ANK1: variants seen among roughly 807,000 people sequenced by gnomAD.
ANK1 encodes ankyrin 1.
In ANK1, 51 loss-of-function variants were observed where a neutral mutation model predicts 210.4. The ratio of observed to expected loss-of-function variants is 0.24; its 90% CI spans 0.19 to 0.31. The LOEUF (loss-of-function observed/expected upper bound fraction) is 0.31, where lower values mean the gene tolerates loss of function less well. Ranked by LOEUF, ANK1 falls within the 10% of genes least tolerant of loss-of-function variation. The pLI is 1.00. For missense variants in ANK1, 2,051 were observed against 2,504.4 expected (o/e 0.82, Z 3.86); for synonymous variants, 967 against 1,025.9 (o/e 0.94, Z 1.10).
intron 3 of ANK1, among the ~76,000 whole-genome samples, chr8:41,733,313 G>A (rs983472771): frequency 6.6e-6 from 1 of 152,182 alleles, no homozygotes; most frequent in Non-Finnish European, 1.5e-5. Flanking sequence ...GGCTGAACAA[G>A]GAAGACTTGC....
In ANK1 at chr8:41,737,827, G is replaced by C. The variant is rs573031294; in HGVS notation, c.130-3758C>G. On this transcript the variant is annotated intron_variant, in intron 2 of 42. Coordinates refer to ENST00000289734, the MANE Select transcript of ANK1 (RefSeq NM_000037.4). ...CCTGTAAAAAACACATGGGGACGGGGCTGAGGAAGCACTTGTCTCAGCCAC... is the reference window on the plus strand; with the variant it reads ...CCTGTAAAAAACACATGGGGACGGGCCTGAGGAAGCACTTGTCTCAGCCAC... Among the ~76,000 whole-genome samples the C allele has an allele frequency of 4.5e-4, 68 of 152,290 alleles. 1 individual carries two copies. Among genetic ancestry groups the C allele is most frequent in the Admixed American group, 9.2e-4 (14 of 15,294 alleles).
intron 1 of ANK1, among the ~76,000 whole-genome samples, chr8:41,864,010 C>G (rs531195790): frequency 1.3e-5 from 2 of 151,994 alleles, no homozygotes; most frequent in Non-Finnish European, 2.9e-5. Flanking sequence ...TTTGGGAGGC[C>G]GAGGCGGGTG....
intron 1 of ANK1, among the ~76,000 whole-genome samples, chr8:41,777,826 T>C (rs1048465791): frequency 1.3e-5 from 2 of 152,164 alleles, no homozygotes; most frequent in Admixed American, 1.3e-4. Flanking sequence ...AGAGAAAGAA[T>C]GAAAAATGCA....
intron 37 of ANK1, among the ~76,000 whole-genome samples, chr8:41,683,465 G>A (rs1174401658): frequency 3.3e-5 from 5 of 152,166 alleles, no homozygotes; most frequent in South Asian, 2.1e-4. Flanking sequence ...GCCCTCAGCC[G>A]CGCCCCCAAA....
At chr8:41,734,195 G>T in intron 2 of ANK1, 126 bp from the exon 3 acceptor site, 1 of 861,824 alleles carries the variant, frequency 1.2e-6, no homozygotes, top group Non-Finnish European at 1.9e-6. Context: ...GGAGTGGAGT[G>T]TGTCTAGAGG....
rs577827450 is a variant in ANK1, at chr8:41,864,207, G to A, written c.126+32148C>T. Among the ~76,000 whole-genome samples, 418 of 140,584 alleles carry A rather than the reference G, an allele frequency of 3.0e-3. 5 individuals carry two copies. The highest frequency in any genetic ancestry group is 0.011 in the African/African-American group (411 of 37,154). 92.2% of individuals were successfully genotyped at this position (140,584 alleles called of 152,430 possible). The stretch of plus-strand genomic sequence containing the variant: ...GGAGCTTGTAGTGAGCCGAGATCAC[G>A]CCACTGCACTCCAGCCTGGGTGACA... On this transcript the variant is annotated intron_variant, in intron 1 of 42. Transcript: ENST00000265709.
intron 2 of ANK1, among the ~76,000 whole-genome samples, chr8:41,738,195 T>C (rs897547395): frequency 9.7e-6 from 1 of 103,268 alleles, no homozygotes; most frequent in Non-Finnish European, 2.4e-5. Flanking sequence ...AACAGCAAGA[T>C]GAGAAGTGTT....
At chr8:41,697,958 T>A (rs1821570829) in intron 24 of ANK1, 85 bp downstream of exon 24, 1 of 1,298,962 alleles carries the variant, frequency 7.7e-7, no homozygotes, top group African/African-American at 1.5e-5. Context: ...CCTATTGTGC[T>A]ACGTACAGGC....
At chr8:41,752,207 C>T (rs1711891354) in intron 2 of ANK1, among the ~76,000 whole-genome samples, 1 of 152,194 alleles carries the variant, frequency 6.6e-6, no homozygotes, top group Non-Finnish European at 1.5e-5. Flanking sequence ...TGTGCCCATC[C>T]TCTTAGCTAT....
Position 41,704,237 on chromosome 8 carries a change from A to G in ANK1, c.2197-98T>C, listed in dbSNP as rs547128956. 100 of 1,361,026 alleles carry G rather than the reference A, an allele frequency of 7.3e-5. No homozygotes were observed. Among genetic ancestry groups the G allele is most frequent in the Non-Finnish European group, 1.0e-4 (96 of 952,492 alleles). The allele number at this position is 1,361,026 out of a possible 1,614,324, so 84.3% of individuals were successfully genotyped here. Reference sequence around the variant, plus strand: ...CTGCCCATCTTCGAAGTGGGACATTAATGAAATGCATTTTCCCCCTTTCTT... The same window carrying G: ...CTGCCCATCTTCGAAGTGGGACATTGATGAAATGCATTTTCCCCCTTTCTT... On this transcript the variant is annotated intron_variant, in intron 19 of 42. Transcript: ENST00000289734. This position sits in a 1 kb window ranked among gnomAD's most constrained non-coding sequence, Gnocchi z 4.1.
intron 37 of ANK1, among the ~76,000 whole-genome samples, chr8:41,678,814 G>C (rs532334249): frequency 6.6e-6 from 1 of 152,048 alleles, no homozygotes; most frequent in Non-Finnish European, 1.5e-5. Flanking sequence ...ACAGAGTCTC[G>C]CTTTTGTTGC....
chr8:41,741,792 G>A (rs968262144), intron 2 of ANK1, among the ~76,000 whole-genome samples: 7 of 152,114 alleles, frequency 4.6e-5, no homozygotes, highest in Non-Finnish European at 8.8e-5. Context: ...TGTCATTGTC[G>A]GGGTAGGAGC....
At chr8:41,765,707 C>T (rs1369396052) in intron 1 of ANK1, among the ~76,000 whole-genome samples, 1 of 152,176 alleles carries the variant, frequency 6.6e-6, no homozygotes, top group East Asian at 1.9e-4. Context: ...ATCAGGACTG[C>T]TCTGAAAGGG....
intron 1 of ANK1, among the ~76,000 whole-genome samples, chr8:41,867,113 C>T (rs78538337): frequency 0.018 from 2,768 of 152,274 alleles, 85 homozygotes; most frequent in African/African-American, 0.063. Context: ...CAGACCCCAA[C>T]GCTGGGAGAA....
At chr8:41,794,494 C>T (rs113729583) in intron 1 of ANK1, among the ~76,000 whole-genome samples, 2,758 of 152,310 alleles carry the variant, frequency 0.018, 30 homozygotes, top group African/African-American at 0.025. Context: ...CCGCTTCCCT[C>T]TCCCTCAATA....
At chr8:41,788,501 A>G (rs901916572) in intron 1 of ANK1, among the ~76,000 whole-genome samples, 3 of 152,228 alleles carry the variant, frequency 2.0e-5, no homozygotes, top group African/African-American at 7.2e-5. Context: ...CAGCCAGTCA[A>G]TATCCCCAAT....
rs540568795 is a variant in ANK1 at position 41,850,070 on chromosome 8, C to T, written c.126+46285G>A. Among the ~76,000 whole-genome samples the T allele has an allele frequency of 2.6e-5, 4 of 152,276 alleles. No individual in the cohort carries two copies. In the East Asian group the frequency reaches 5.8e-4, roughly 22 times the overall value. ...CGCTCCCACACATGAGATCCTCACC[C>T]TCCTGCCGGCACCAGGCTCAGCACG... On this transcript the variant is annotated intron_variant, in intron 1 of 42. Transcript: ENST00000265709.
intron 39 of ANK1, chr8:41,664,976 G>A (rs768812836): frequency 5.0e-6 from 8 of 1,614,076 alleles, no homozygotes; most frequent in Non-Finnish European, 6.8e-6. Context: ...CCAGGAAGAA[G>A]CTCAGCAGCA....
chr8:41,884,491 G>GT (rs1357986890), intron 1 of ANK1, among the ~76,000 whole-genome samples: 3 of 152,164 alleles, frequency 2.0e-5, no homozygotes, highest in Non-Finnish European at 4.4e-5. Context: ...TTCTTCCATA[G>GT]TATCTCAGAC....
Sources: gnomAD v4.1 joint callset for allele counts (sites outside exome capture counted in the v4.1 genomes callset) on GRCh38, gnomAD v4.1.1 for gene constraint, Gnocchi (gnomAD v3.1) non-coding constraint, MANE v1.5 for transcripts, NCBI Gene and HGNC (gene_info 2026-07-23, HGNC 2026-07-21) for gene names.